The following SLC43A2 variants were observed in gnomAD, a reference collection of about 807,000 sequenced individuals.
SLC43A2 encodes the protein large neutral amino acids transporter small subunit 4.
A neutral mutation model predicts 63.2 loss-of-function variants in SLC43A2; 38 were observed. The ratio of observed to expected loss-of-function variants is 0.60; its 90% CI spans 0.46 to 0.79. SLC43A2 has a LOEUF of 0.79. Among genes scored for constraint, SLC43A2 ranks in the 30% least tolerant of loss-of-function variants. SLC43A2 has a pLI of 0.00. For missense variants in SLC43A2, 644 were observed against 756.2 expected (o/e 0.85, Z 1.74); for synonymous variants, 322 against 331.0 (o/e 0.97, Z 0.30).
Position 1,573,168 on chromosome 17 carries a change from C to A in SLC43A2, c.*2436G>T, listed in dbSNP as rs929718908. 1 of 138,116 alleles carries A rather than the reference C, an allele frequency of 7.2e-6. No homozygotes were observed. The highest frequency in any genetic ancestry group is 7.1e-5 in the Admixed American group (1 of 14,094). The allele number at this position is 138,116 out of a possible 1,614,324, so 8.6% of individuals were successfully genotyped here. On this transcript the variant is annotated 3_prime_UTR_variant, in exon 14 of 14. Coordinates refer to ENST00000301335, the MANE Select transcript of SLC43A2 (RefSeq NM_152346.3). ...CTCCAGCCTGGATGGCAGAGCAAGA[C>A]CCCAACTCAAAAAAAAAAAAAAAAA...
chr17:1,600,453 T>A (rs1344220538), intron 5 of SLC43A2, among the ~76,000 whole-genome samples: 1 of 149,876 alleles, frequency 6.7e-6, no homozygotes, highest in African/African-American at 2.5e-5. Context: ...GCCCTTCCAA[T>A]ATTTCATTTA....
At position 1,583,357 on chromosome 17, in the gene SLC43A2, C is replaced by A. The variant is rs368077744; in HGVS notation, c.1218-21G>T. On this transcript the variant is annotated intron_variant, in intron 10 of 13. Coordinates refer to ENST00000301335, the MANE Select transcript of SLC43A2 (RefSeq NM_152346.3). The surrounding 1 kb of genome is among the most constrained non-coding windows in gnomAD (Gnocchi z 5.5). ...CGCCTCTGTGGAGACACAGAACGTG[C>A]AGGGGTGGGAGGGCTCCCCGGAGGA... 20 of 1,612,930 alleles carry A rather than the reference C, an allele frequency of 1.2e-5. 1 individual carries two copies. The Middle Eastern group carries it at 8.3e-4, about 67-fold the overall frequency.
At chr17:1,610,704 C>T (rs1567640077) in intron 5 of SLC43A2, among the ~76,000 whole-genome samples, 1 of 150,360 alleles carries the variant, frequency 6.7e-6, no homozygotes, top group Admixed American at 6.6e-5. Context: ...ATAGTAAGAC[C>T]CCATCTGTAA....
chr17:1,605,402 G>C lies in SLC43A2; in HGVS notation c.501+7793C>G, dbSNP rs531746246. The C allele has an allele frequency of 4.9e-6, 1 of 206,152 alleles. No individual in the cohort carries two copies. Among genetic ancestry groups the C allele is most frequent in the Non-Finnish European group, 8.5e-6 (1 of 116,988 alleles). 12.8% of individuals were successfully genotyped at this position (206,152 alleles called of 1,614,324 possible). On this transcript the variant is annotated intron_variant, in intron 5 of 13. Transcript: ENST00000301335. This position sits in a 1 kb window ranked among gnomAD's most constrained non-coding sequence, Gnocchi z 4.9. Reference sequence around the variant, plus strand: ...CAAGGCCCTGGGACAGTGCGGGCGCGGGAGCTTCTCTAAGATGCCGGACGT... The same window carrying C: ...CAAGGCCCTGGGACAGTGCGGGCGCCGGAGCTTCTCTAAGATGCCGGACGT...
At chr17:1,608,850 A>G (rs1906850203) in intron 5 of SLC43A2, among the ~76,000 whole-genome samples, 1 of 152,146 alleles carries the variant, frequency 6.6e-6, no homozygotes, top group Non-Finnish European at 1.5e-5. Context: ...TTACTCATGG[A>G]CCATGTAGAG....
Position 1,596,318 on chromosome 17 carries a change from C to CAA in SLC43A2, c.502-3041_502-3040dup, listed in dbSNP as rs201232016. Reference sequence around the variant, plus strand: ...TGGGCAAGAGTGCGAGACTCCATCTCAAAAAAAAAAGAAAGTGAAAACAGG... The same window carrying CAA: ...TGGGCAAGAGTGCGAGACTCCATCTCAAAAAAAAAAAAGAAAGTGAAAACAGG... On this transcript the variant is annotated intron_variant, in intron 5 of 13. Coordinates refer to ENST00000301335, the MANE Select transcript of SLC43A2 (RefSeq NM_152346.3). Among the ~76,000 whole-genome samples, 38 of 144,528 alleles carry CAA rather than the reference C, an allele frequency of 2.6e-4. 1 individual carries two copies. Among genetic ancestry groups the CAA allele is most frequent in the African/African-American group, 9.4e-4 (37 of 39,568 alleles). The allele number at this position is 144,528 out of a possible 152,430, so 94.8% of individuals were successfully genotyped here.
intron 5 of SLC43A2, among the ~76,000 whole-genome samples, chr17:1,599,123 C>A (rs1426109604): frequency 6.6e-6 from 1 of 151,856 alleles, no homozygotes. Flanking sequence ...CTGAGGTGGG[C>A]GGATCACGAG....
At chr17:1,576,760 G>T in intron 12 of SLC43A2, 40 bp from the exon 13 acceptor site, 1 of 1,598,344 alleles carries the variant, frequency 6.3e-7, no homozygotes, top group Admixed American at 1.7e-5. Flanking sequence ...CCTGCCTCCT[G>T]GGCTTTGCTT....
intron 1 of SLC43A2, 161 bp from the exon 2 acceptor site, chr17:1,628,081 C>T (rs1403544175): frequency 7.4e-6 from 5 of 671,156 alleles, no homozygotes; most frequent in African/African-American, 3.8e-5. Flanking sequence ...CTGCCCGGAC[C>T]TGGGACACCC....
At chr17:1,595,037 A>G (rs1905176665) in intron 5 of SLC43A2, among the ~76,000 whole-genome samples, 1 of 151,854 alleles carries the variant, frequency 6.6e-6, no homozygotes. Flanking sequence ...TAAAAAAAAG[A>G]GAGAGAGACA....
intron 2 of SLC43A2, among the ~76,000 whole-genome samples, chr17:1,618,935 G>C (rs748669404): frequency 2.0e-5 from 3 of 152,054 alleles, no homozygotes; most frequent in Non-Finnish European, 2.9e-5. Context: ...AGTGAGCCAA[G>C]ATCACACACC....
Position 1,578,271 on chromosome 17 carries a change from A to G in SLC43A2, c.1403T>C (p.Val468Ala). 1 of 1,613,968 alleles carries G rather than the reference A, an allele frequency of 6.2e-7. No individual in the cohort carries two copies. The highest frequency in any genetic ancestry group is 2.2e-5 in the East Asian group (1 of 44,870). ...TIVRGFIHSA[V>A]GGLYAAVYPS... is the part of the protein sequence containing the mutation. ...TTACACGGCAGCGTACAGGCCCCCG[A>G]CAGCGGAGTGGATGAATCCTCGCAC... The change falls in exon 12 of 14, where the codon GTC (valine) becomes GCC (alanine). Residue 468 changes from valine (V) to alanine (A), a missense_variant. Physicochemically the swap from Val to Ala is moderately conservative, Grantham distance 64. This residue lies in a region of SLC43A2 where 528 missense variants were observed against 623.6 expected (regional missense o/e 0.85). Coordinates refer to ENST00000301335, the MANE Select transcript of SLC43A2 (RefSeq NM_152346.3). This position sits in a 1 kb window ranked among gnomAD's most constrained non-coding sequence, Gnocchi z 6.5.
intron 6 of SLC43A2, among the ~76,000 whole-genome samples, chr17:1,592,881 A>C (rs934984847): frequency 6.6e-6 from 1 of 152,154 alleles, no homozygotes; most frequent in Non-Finnish European, 1.5e-5. Flanking sequence ...GGAGACCAGG[A>C]TGACGGAGGA....
intron 3 of SLC43A2, among the ~76,000 whole-genome samples, chr17:1,616,195 C>G (rs1907646905): frequency 6.6e-6 from 1 of 151,816 alleles, no homozygotes; most frequent in Middle Eastern, 3.2e-3. Flanking sequence ...TTTTTCTCAT[C>G]AGATGGATAC....
At chr17:1,626,068 G>A (rs1908635765) in intron 2 of SLC43A2, among the ~76,000 whole-genome samples, 1 of 150,896 alleles carries the variant, frequency 6.6e-6, no homozygotes, top group African/African-American at 2.4e-5. Flanking sequence ...CCGACATCAT[G>A]GTGGGTTAAA....
chr17:1,627,002 G>A (rs193099137), intron 2 of SLC43A2, among the ~76,000 whole-genome samples: 2 of 152,178 alleles, frequency 1.3e-5, no homozygotes, highest in Non-Finnish European at 2.9e-5. Flanking sequence ...ATGTCATGTA[G>A]AGAAGCATCC....
intron 5 of SLC43A2, among the ~76,000 whole-genome samples, chr17:1,594,845 C>G: frequency 6.6e-6 from 1 of 151,832 alleles, no homozygotes; most frequent in Non-Finnish European, 1.5e-5. Context: ...GCCTTGGCCT[C>G]CCAAAGTGCT....
intron 11 of SLC43A2, among the ~76,000 whole-genome samples, chr17:1,581,111 G>A (rs1025009197): frequency 6.6e-6 from 1 of 151,920 alleles, no homozygotes; most frequent in Non-Finnish European, 1.5e-5. Flanking sequence ...CTGCCATCCC[G>A]CTCAGCAGCC....
At chr17:1,586,947 A>AC in intron 9 of SLC43A2, 2 of 770,368 alleles carry the variant, frequency 2.6e-6, no homozygotes, top group South Asian at 2.5e-5. Flanking sequence ...CCCCCCGCTT[A>AC]CCCGTGGCCA....
Sources: gnomAD v4.1 joint callset for allele counts (sites outside exome capture counted in the v4.1 genomes callset) on GRCh38, gnomAD v4.1.1 for gene constraint, gnomAD v4.1.1 regional missense constraint, Gnocchi (gnomAD v3.1) non-coding constraint, MANE v1.5 for transcripts, NCBI Gene and HGNC (gene_info 2026-07-23, HGNC 2026-07-21) for gene names.